The following TLE3 variants were observed in gnomAD, a reference collection of about 807,000 sequenced individuals.
TLE3 encodes transducin-like enhancer protein 3.
Under a neutral mutation model 93.0 loss-of-function variants are expected in TLE3, and 14 were observed. The ratio of observed to expected loss-of-function variants is 0.15; its 90% CI spans 0.10 to 0.24. The LOEUF (loss-of-function observed/expected upper bound fraction) is 0.24. Among genes scored for constraint, TLE3 ranks in the 10% least tolerant of loss-of-function variants. The pLI, the probability that TLE3 is intolerant of heterozygous loss-of-function variation, is 1.00. For synonymous variants in TLE3, 451 were observed against 425.0 expected (o/e 1.06, Z -0.75); for missense variants, 693 against 1,046.6 (o/e 0.66, Z 4.66).
At chr15:70,059,539 C>A in intron 9 of TLE3, 79 bp from the exon 10 acceptor site, 1 of 1,433,810 alleles carries the variant, frequency 7.0e-7, no homozygotes, top group Non-Finnish European at 9.6e-7. Flanking sequence ...ACCACCCTGT[C>A]CTTCTACTGG....
intron 4 of TLE3, chr15:70,079,257 G>A: frequency 4.8e-6 from 2 of 413,114 alleles, no homozygotes; most frequent in African/African-American, 2.2e-5. Flanking sequence ...CACAAGCCTG[G>A]GGTAGTGGCA....
At chr15:70,059,925 T>C (rs1381608671) in intron 9 of TLE3, among the ~76,000 whole-genome samples, 1 of 152,226 alleles carries the variant, frequency 6.6e-6, no homozygotes, top group Non-Finnish European at 1.5e-5. Flanking sequence ...GGGTGCTCAA[T>C]GTGTCCAAAG....
At position 70,095,706 on chromosome 15, in the gene TLE3, C is replaced by G. The variant is rs551099503; in HGVS notation, c.126-65G>C. ...GACAGCCTCCTCTGAGGCCCCGACCCAAGGGCCTCTAGAGCCACTTTTCCA... is the reference window on the plus strand; with the variant it reads ...GACAGCCTCCTCTGAGGCCCCGACCGAAGGGCCTCTAGAGCCACTTTTCCA... On this transcript the variant is annotated intron_variant, in intron 2 of 19. Coordinates refer to ENST00000451782, the MANE Select transcript of TLE3 (RefSeq NM_001105192.3). 7.6e-5 allele frequency: 117 copies of G among 1,531,404 alleles called. No homozygotes were observed. The South Asian group carries it at 1.3e-3, about 16-fold the overall frequency. 94.9% of individuals were successfully genotyped at this position (1,531,404 alleles called of 1,614,324 possible). A position where few individuals can be genotyped will look rare whatever the true frequency, so the allele number is the denominator to read the frequency against.
intron 4 of TLE3, among the ~76,000 whole-genome samples, chr15:70,077,848 C>T (rs557647506): frequency 3.3e-5 from 5 of 152,350 alleles, no homozygotes; most frequent in East Asian, 1.9e-4. Flanking sequence ...AAAGGACTGT[C>T]GCTCATATCC....
chr15:70,050,228 G>T, intron 19 of TLE3, 24 bp from the exon 20 acceptor site: 1 of 1,582,224 alleles, frequency 6.3e-7, no homozygotes, highest in Non-Finnish European at 8.7e-7. Context: ...ACGAGGAGAA[G>T]CAGCAGGAAG....
chr15:70,077,549 C>G (rs2057509588), intron 4 of TLE3, among the ~76,000 whole-genome samples: 1 of 152,236 alleles, frequency 6.6e-6, no homozygotes, highest in South Asian at 2.1e-4. Context: ...CCCTCCACCC[C>G]CTCCACCCTT....
intron 4 of TLE3, among the ~76,000 whole-genome samples, chr15:70,084,153 T>TCACACAGGAAGAC (rs1010163474): frequency 6.6e-6 from 1 of 152,214 alleles, no homozygotes; most frequent in African/African-American, 2.4e-5. Context: ...CAAGAAGCTG[T>TCACACAGGAAGAC]CACACAGGAA....
Position 70,057,532 on chromosome 15 carries a change from G to A in TLE3, c.1178C>T (p.Pro393Leu). 3.1e-6 allele frequency: 5 copies of A among 1,607,094 alleles called. No homozygotes were observed. Among genetic ancestry groups the A allele is most frequent in the Non-Finnish European group, 4.2e-6 (5 of 1,177,134 alleles). The change falls in exon 13 of 20, where the codon CCA becomes CTA. Residue 393 changes from proline to leucine, a missense_variant. Coordinates refer to ENST00000451782, the MANE Select transcript of TLE3 (RefSeq NM_001105192.3). ...AGCGGCGGCGGCGCTCATCTGGGGTGGGATGTTGTGGAGGCCGGCGTAGGC... is the reference window on the plus strand; with the variant it reads ...AGCGGCGGCGGCGCTCATCTGGGGTAGGATGTTGTGGAGGCCGGCGTAGGC... ...PGAYAGLHNI[P>L]PQMSAAAAAA...
chr15:70,091,708 G>A (rs1298919562), intron 4 of TLE3, among the ~76,000 whole-genome samples: 1 of 152,206 alleles, frequency 6.6e-6, no homozygotes, highest in Non-Finnish European at 1.5e-5. Flanking sequence ...GCCACAGTGA[G>A]TTTAACCTCT....
At chr15:70,096,609 T>A in intron 1 of TLE3, 166 bp downstream of exon 1, 3 of 1,539,664 alleles carry the variant, frequency 1.9e-6, no homozygotes, top group East Asian at 2.5e-5. Flanking sequence ...GGAATTAACC[T>A]CCTCTCTCAA....
intron 4 of TLE3, among the ~76,000 whole-genome samples, chr15:70,082,708 C>G (rs1232484062): frequency 6.6e-6 from 1 of 152,236 alleles, no homozygotes; most frequent in East Asian, 1.9e-4. Context: ...GATCTGTCTC[C>G]TCCGGAAGGG....
Position 70,097,007 on chromosome 15 carries a change from G to C in TLE3, c.-209C>G. 1.6e-6 allele frequency: 1 copy of C among 618,640 alleles called. No homozygotes were observed. Among genetic ancestry groups the C allele is most frequent in the Non-Finnish European group, 2.8e-6 (1 of 363,190 alleles). 38.3% of individuals were successfully genotyped at this position (618,640 alleles called of 1,614,324 possible). A position where few individuals can be genotyped will look rare whatever the true frequency, so the allele number is the denominator to read the frequency against. On this transcript the variant is annotated 5_prime_UTR_variant, in exon 1 of 20. Transcript: ENST00000451782. ...AAAGAGCCGCGGAGCAGGCGGCAAA[G>C]TCGTCGGCGGGCGCCGGGGCCGGGC...
At position 70,074,625 on chromosome 15, in the gene TLE3, T is replaced by A. The variant is rs1268653568; in HGVS notation, c.298-18A>T. On this transcript the variant is annotated intron_variant, in intron 5 of 19. Transcript: ENST00000451782. ...TGCTGGTGCTGGAGGGAAGAGGGTG[T>A]GCGTTAGATGCAGCCACTTTCCTGG... The A allele has an allele frequency of 6.3e-7, 1 of 1,597,796 alleles. No individual in the cohort carries two copies. The highest frequency in any genetic ancestry group is 1.3e-5 in the African/African-American group (1 of 74,760).
intron 16 of TLE3, 152 bp downstream of exon 16, chr15:70,054,286 A>C: frequency 9.1e-7 from 1 of 1,104,710 alleles, no homozygotes; most frequent in Non-Finnish European, 1.3e-6. Context: ...AGGCAGGCGG[A>C]GCTGTCTTTT....
chr15:70,079,606 G>A (rs1397767568), intron 4 of TLE3: 1 of 356,990 alleles, frequency 2.8e-6, no homozygotes, highest in Non-Finnish European at 5.5e-6. Flanking sequence ...CCCTGAGAAT[G>A]GGCTGCGTGC....
intron 19 of TLE3, chr15:70,050,747 AGT>A (rs905045848): frequency 3.2e-5 from 5 of 158,454 alleles, no homozygotes; most frequent in African/African-American, 9.6e-5. Context: ...AGAGAATGCA[AGT>A]GTGTGTGTGG....
intron 4 of TLE3, among the ~76,000 whole-genome samples, chr15:70,089,555 C>T (rs889477069): frequency 1.3e-5 from 2 of 152,206 alleles, no homozygotes; most frequent in African/African-American, 4.8e-5. Context: ...GAACTCTACT[C>T]TCAGATAACC....
chr15:70,050,329 C>G (rs2055403774), intron 19 of TLE3, 125 bp from the exon 20 acceptor site: 3 of 753,610 alleles, frequency 4.0e-6, no homozygotes, highest in Non-Finnish European at 7.0e-6. Context: ...CCTCCTCTGC[C>G]CCTCTCTGAT....
intron 4 of TLE3, among the ~76,000 whole-genome samples, chr15:70,091,362 T>C (rs1339393721): frequency 6.6e-6 from 1 of 152,226 alleles, no homozygotes; most frequent in East Asian, 1.9e-4. Flanking sequence ...TGCATGGCAA[T>C]TGCTCTGGGG....
Sources: allele counts gnomAD v4.1 joint callset (sites outside exome capture counted in the v4.1 genomes callset), GRCh38; gene constraint gnomAD v4.1.1; transcripts MANE v1.5; gene names NCBI Gene and HGNC (gene_info 2026-07-23, HGNC 2026-07-21).